The following ACSL5 variants were observed in gnomAD, a reference collection of about 807,000 sequenced individuals.
ACSL5 encodes the protein long-chain-fatty-acid--CoA ligase 5.
ACSL5 carries 50 observed loss-of-function variants against 84.9 expected under a neutral mutation model. The observed-to-expected ratio is 0.59, with a 90% confidence interval of 0.47 to 0.75. The LOEUF is 0.75. Among genes scored for constraint, ACSL5 ranks in the 30% least tolerant of loss-of-function variants. The pLI is 0.00. For synonymous variants in ACSL5, 280 were observed against 300.7 expected, an observed-to-expected ratio of 0.93 and a Z score of 0.71; for missense variants, 775 against 830.4, an observed-to-expected ratio of 0.93 and a Z score of 0.82.
chr10:112,398,730 C>T (rs553466082), intron 2 of ACSL5, among the ~76,000 whole-genome samples, 171 bp from the exon 3 acceptor site: 10 of 152,136 alleles, frequency 6.6e-5, no homozygotes, highest in African/African-American at 1.7e-4. Flanking sequence ...AAAATGTCTA[C>T]GATGTAAACA....
chr10:112,416,470 CAAAAAAAAAAA>C (rs35770074), intron 12 of ACSL5, among the ~76,000 whole-genome samples: 2 of 58,398 alleles, frequency 3.4e-5, no homozygotes, highest in East Asian at 5.1e-4. Context: ...GACTCTGTCT[CAAAAAAAAAAA>C]AAAAAAAAAA....
At chr10:112,403,660 T>G (rs1843959797) in intron 3 of ACSL5, among the ~76,000 whole-genome samples, 1 of 152,158 alleles carries the variant, frequency 6.6e-6, no homozygotes, top group Non-Finnish European at 1.5e-5. Flanking sequence ...AGGAGAAAAG[T>G]GAATTGTCAC....
rs1303750666 is a variant in ACSL5, at chr10:112,425,409, A to C, written c.1665A>C (p.Pro555=). 1 of 1,613,708 alleles carries C rather than the reference A, an allele frequency of 6.2e-7. No individual in the cohort carries two copies. Among genetic ancestry groups the C allele is most frequent in the Non-Finnish European group, 8.5e-7 (1 of 1,179,850 alleles). ...FKLAQGEYIA[P]EKIENIYNRS... Reference sequence around the variant, plus strand: ...TGGCCCAAGGAGAATACATTGCACCAGAGAAGATAGAAAATATCTACAACA... The same window carrying C: ...TGGCCCAAGGAGAATACATTGCACCCGAGAAGATAGAAAATATCTACAACA... Residue 555 remains proline (P), a synonymous_variant, in exon 18 of 21, where the codon CCA becomes CCC. Coordinates refer to ENST00000354655, the MANE Select transcript of ACSL5 (RefSeq NM_203379.2).
intron 3 of ACSL5, among the ~76,000 whole-genome samples, chr10:112,401,774 TTTTCTTTCTTTCTCTTTC>T (rs1477203864): frequency 3.3e-5 from 5 of 150,062 alleles, no homozygotes; most frequent in African/African-American, 1.2e-4. Context: ...CTTTCTTTCT[TTTTCTTTCTTTCTCTTTC>T]TTTCTTTCTT....
Position 112,425,323 on chromosome 10 carries a change from ATC to A in ACSL5, c.1594-13_1594-12del. On this transcript the variant is annotated splice_polypyrimidine_tract_variant and intron_variant, in intron 17 of 20. Transcript: ENST00000354655. Reference sequence around the variant, plus strand: ...GTGGCTCAAAAATACTGATACTTTTATCTGTCTCATGTAGAATGGAACTCTGA... The same window carrying A: ...GTGGCTCAAAAATACTGATACTTTTATGTCTCATGTAGAATGGAACTCTGA... 1.3e-6 allele frequency: 2 copies of A among 1,594,266 alleles called. No individual in the cohort carries two copies. Among genetic ancestry groups the A allele is most frequent in the Non-Finnish European group, 1.7e-6 (2 of 1,171,274 alleles).
At chr10:112,382,455 T>G (rs1849368537) in intron 1 of ACSL5, among the ~76,000 whole-genome samples, 1 of 152,108 alleles carries the variant, frequency 6.6e-6, no homozygotes, top group South Asian at 2.1e-4. Flanking sequence ...AATCCACAGG[T>G]GAGGATGGTC....
intron 7 of ACSL5, 33 bp from the exon 8 acceptor site, chr10:112,410,430 A>C: frequency 1.2e-6 from 2 of 1,613,614 alleles, no homozygotes; most frequent in Non-Finnish European, 1.7e-6. Context: ...ATCTCAACTA[A>C]TGTCTTTCTT....
chr10:112,395,155 T>C (rs1843720046), intron 2 of ACSL5, 53 bp downstream of exon 2: 2 of 1,557,066 alleles, frequency 1.3e-6, no homozygotes, highest in Non-Finnish European at 1.8e-6. Context: ...ACTCAAACTG[T>C]AACTCCAAAC....
intron 3 of ACSL5, among the ~76,000 whole-genome samples, chr10:112,403,646 T>G (rs186562782): frequency 2.0e-3 from 312 of 152,326 alleles, no homozygotes; most frequent in Non-Finnish European, 3.3e-3. Flanking sequence ...AAACTTGATA[T>G]GATAGGAGAA....
chr10:112,386,778 T>C (rs1256914993), intron 1 of ACSL5, among the ~76,000 whole-genome samples: 1 of 152,200 alleles, frequency 6.6e-6, no homozygotes, highest in African/African-American at 2.4e-5. Flanking sequence ...TTTTAAAATA[T>C]AGGTTTTACG....
At chr10:112,416,089 G>T (rs1296275776) in intron 12 of ACSL5, among the ~76,000 whole-genome samples, 1 of 152,164 alleles carries the variant, frequency 6.6e-6, no homozygotes, top group South Asian at 2.1e-4. Flanking sequence ...AAGACACCTT[G>T]TTTATAGGGA....
chr10:112,423,986 CA>C (rs1458005746), intron 17 of ACSL5, among the ~76,000 whole-genome samples: 4 of 152,056 alleles, frequency 2.6e-5, no homozygotes, highest in Non-Finnish European at 5.9e-5. Context: ...AACAAAAACC[CA>C]AAAAACTTTG....
chr10:112,410,745 A>G, intron 9 of ACSL5, 110 bp downstream of exon 9: 1 of 1,093,080 alleles, frequency 9.1e-7, no homozygotes, highest in Non-Finnish European at 1.3e-6. Context: ...CCCTATACTT[A>G]GGGGCTCACA....
At chr10:112,414,352 C>CTTTT (rs34464188) in intron 12 of ACSL5, among the ~76,000 whole-genome samples, 35 of 85,494 alleles carry the variant, frequency 4.1e-4, no homozygotes, top group Middle Eastern at 7.7e-3. Flanking sequence ...TTCAGTGATT[C>CTTTT]TTTTTTTTTT....
At chr10:112,397,119 C>T in intron 2 of ACSL5, among the ~76,000 whole-genome samples, 1 of 152,088 alleles carries the variant, frequency 6.6e-6, no homozygotes, top group South Asian at 2.1e-4. Flanking sequence ...GGGCCCTGAT[C>T]CTGTAGATCC....
At chr10:112,422,488 G>C (rs1844489812) in intron 17 of ACSL5, 47 bp downstream of exon 17, 1 of 1,529,454 alleles carries the variant, frequency 6.5e-7, no homozygotes, top group African/African-American at 1.4e-5. Flanking sequence ...AATGGACTGA[G>C]AAGAACAATC....
rs115531162 is a variant in ACSL5, at chr10:112,423,793, G to T, written c.1593+1352G>T. 4.0e-3 allele frequency among the ~76,000 whole-genome samples: 604 copies of T among 152,212 alleles called. 6 individuals are homozygous for T. The highest frequency in any genetic ancestry group is 0.014 in the African/African-American group (578 of 41,540). Reference sequence around the variant, plus strand: ...AAGGGGAAGGGAGATGTACTACTCTGTCCTTTTTTTTTCCCCCTTAACTTT... The same window carrying T: ...AAGGGGAAGGGAGATGTACTACTCTTTCCTTTTTTTTTCCCCCTTAACTTT... On this transcript the variant is annotated intron_variant, in intron 17 of 20. Coordinates refer to ENST00000354655, the MANE Select transcript of ACSL5 (RefSeq NM_203379.2).
At chr10:112,408,605 T>G (rs1844105330) in intron 6 of ACSL5, 84 bp downstream of exon 6, 1 of 1,056,388 alleles carries the variant, frequency 9.5e-7, no homozygotes, top group African/African-American at 1.6e-5. Flanking sequence ...TTTATTTGTT[T>G]GTTTGTTTAA....
chr10:112,374,971 A>T (rs544020272), intron 1 of ACSL5, among the ~76,000 whole-genome samples: 1 of 152,096 alleles, frequency 6.6e-6, no homozygotes, highest in South Asian at 2.1e-4. Flanking sequence ...TGCACAGAGG[A>T]TTGATAGGAA....
Sources: allele counts gnomAD v4.1 joint callset (sites outside exome capture counted in the v4.1 genomes callset), GRCh38; gene constraint gnomAD v4.1.1; transcripts MANE v1.5; gene names NCBI Gene and HGNC (gene_info 2026-07-23, HGNC 2026-07-21).